The following RANBP17 variants were observed in gnomAD, a reference collection of about 807,000 sequenced individuals.
The protein encoded by RANBP17 is RAN binding protein 17.
RANBP17 carries 158 observed loss-of-function variants against 141.2 expected under a neutral mutation model. The ratio of observed to expected loss-of-function variants is 1.12; its 90% CI spans 0.98 to 1.28. RANBP17 has a LOEUF of 1.28. Among genes scored for constraint, RANBP17 ranks in the 50% most tolerant of loss-of-function variants. RANBP17 has a pLI of 0.00. For synonymous variants in RANBP17, 430 were observed against 450.0 expected, an observed-to-expected ratio of 0.96 and a Z score of 0.56; for missense variants, 1,438 against 1,290.7, an observed-to-expected ratio of 1.11 and a Z score of -1.75.
At chr5:171,135,651 CAA>C (rs1757223415) in intron 14 of RANBP17, among the ~76,000 whole-genome samples, 1 of 152,174 alleles carries the variant, frequency 6.6e-6, no homozygotes, top group South Asian at 2.1e-4. Context: ...TCACAAGTTA[CAA>C]GTCTTCCTTT....
At chr5:171,273,111 T>G (rs1767231572) in intron 25 of RANBP17, among the ~76,000 whole-genome samples, 1 of 152,236 alleles carries the variant, frequency 6.6e-6, no homozygotes, top group Non-Finnish European at 1.5e-5. Context: ...AGAATCAATA[T>G]GGCAGCTGTG....
chr5:171,143,881 A>C (rs1018461691), intron 14 of RANBP17, among the ~76,000 whole-genome samples: 1 of 152,230 alleles, frequency 6.6e-6, no homozygotes, highest in Admixed American at 6.5e-5. Context: ...CTGAGGGAAC[A>C]GTAGACAGAA....
chr5:170,889,162 T>C (rs576802471), intron 3 of RANBP17, among the ~76,000 whole-genome samples: 48 of 152,012 alleles, frequency 3.2e-4, no homozygotes, highest in African/African-American at 1.2e-3. Context: ...TCCAGATAGT[T>C]CATAAGTTAA....
At chr5:171,023,920 A>G (rs183024077) in intron 14 of RANBP17, among the ~76,000 whole-genome samples, 6 of 152,320 alleles carry the variant, frequency 3.9e-5, no homozygotes, top group Admixed American at 2.0e-4. Flanking sequence ...GTTACTTCAT[A>G]TATTTAATCC....
At chr5:170,942,171 G>A (rs1038757318) in intron 12 of RANBP17, among the ~76,000 whole-genome samples, 2 of 152,068 alleles carry the variant, frequency 1.3e-5, no homozygotes, top group Admixed American at 1.3e-4. Context: ...CTGATGACCC[G>A]AGGTGGAACA....
intron 14 of RANBP17, among the ~76,000 whole-genome samples, chr5:171,105,361 G>A (rs1323398582): frequency 3.7e-5 from 4 of 109,010 alleles, no homozygotes; most frequent in East Asian, 5.7e-4. Context: ...CAGCCTGGGC[G>A]ACAGAGCGAG....
intron 14 of RANBP17, among the ~76,000 whole-genome samples, chr5:171,101,467 C>G (rs762088045): frequency 2.0e-5 from 3 of 152,148 alleles, no homozygotes; most frequent in Non-Finnish European, 2.9e-5. Context: ...CTTCTCCCAT[C>G]CCTTTATTTT....
At chr5:171,061,967 G>T (rs1783905197) in intron 14 of RANBP17, among the ~76,000 whole-genome samples, 1 of 151,786 alleles carries the variant, frequency 6.6e-6, no homozygotes, top group Non-Finnish European at 1.5e-5. Flanking sequence ...TTTTATCAGA[G>T]ACTAGGATTG....
At chr5:171,170,247 T>G (rs1307376982) in intron 15 of RANBP17, 44 bp downstream of exon 15, 1 of 1,014,288 alleles carries the variant, frequency 9.9e-7, no homozygotes, top group African/African-American at 1.7e-5. Flanking sequence ...TGTTGTTGTT[T>G]TAAATGTAAT....
chr5:170,946,171 A>C (rs889952080), intron 12 of RANBP17, among the ~76,000 whole-genome samples: 1 of 152,172 alleles, frequency 6.6e-6, no homozygotes, highest in Non-Finnish European at 1.5e-5. Context: ...AACAGTGCCT[A>C]GTGCAGAGTA....
chr5:170,913,109 T>A (rs530875548), intron 7 of RANBP17, among the ~76,000 whole-genome samples: 1 of 151,918 alleles, frequency 6.6e-6, no homozygotes, highest in Non-Finnish European at 1.5e-5. Context: ...ACCAAACTTA[T>A]CAAATCTAAG....
intron 16 of RANBP17, among the ~76,000 whole-genome samples, chr5:171,182,526 G>A (rs760829498): frequency 6.6e-6 from 1 of 152,066 alleles, no homozygotes; most frequent in Non-Finnish European, 1.5e-5. Flanking sequence ...ATTTCTCTTA[G>A]CTCCTGTTTC....
intron 14 of RANBP17, among the ~76,000 whole-genome samples, chr5:170,976,130 C>T (rs1777362542): frequency 6.6e-6 from 1 of 151,976 alleles, no homozygotes; most frequent in South Asian, 2.1e-4. Context: ...ACTGTTAGAA[C>T]TAATAACATC....
chr5:171,281,624 G>C (rs574539721), intron 25 of RANBP17, among the ~76,000 whole-genome samples: 11 of 152,288 alleles, frequency 7.2e-5, no homozygotes, highest in Admixed American at 6.5e-4. Context: ...CTTGAGCAGT[G>C]AGTAAGTGTG....
intron 14 of RANBP17, among the ~76,000 whole-genome samples, chr5:171,066,097 A>G (rs1226062597): frequency 6.6e-6 from 1 of 152,092 alleles, no homozygotes; most frequent in East Asian, 1.9e-4. Flanking sequence ...CCTGACCTCA[A>G]GTGATCTGCC....
chr5:171,252,368 G>A, intron 24 of RANBP17: 2 of 1,538,124 alleles, frequency 1.3e-6, no homozygotes, highest in Middle Eastern at 1.9e-4. Flanking sequence ...GAAACCAGAT[G>A]TCTTACTTGT....
At chr5:171,143,544 CA>C (rs1206752501) in intron 14 of RANBP17, 4 of 152,104 alleles carry the variant, frequency 2.6e-5, no homozygotes, top group African/African-American at 7.2e-5. Context: ...TTACAGATGG[CA>C]GTTTAAGGCC....
At chr5:171,103,450 C>G (rs189023926) in intron 14 of RANBP17, among the ~76,000 whole-genome samples, 1 of 152,110 alleles carries the variant, frequency 6.6e-6, no homozygotes, top group African/African-American at 2.4e-5. Context: ...TTCCCCTCCC[C>G]CCACAAAGCT....
At chr5:170,953,367 G>C (rs1775355297) in intron 12 of RANBP17, among the ~76,000 whole-genome samples, 1 of 152,094 alleles carries the variant, frequency 6.6e-6, no homozygotes, top group African/African-American at 2.4e-5. Flanking sequence ...CAAATTAGTA[G>C]AGCTGGGATT....
Sources: gnomAD v4.1 joint callset for allele counts (sites outside exome capture counted in the v4.1 genomes callset) on GRCh38, gnomAD v4.1.1 for gene constraint, MANE v1.5 for transcripts, NCBI Gene and HGNC (gene_info 2026-07-23, HGNC 2026-07-21) for gene names.